The following ZDHHC17 variants were observed in gnomAD, a reference collection of about 807,000 sequenced individuals.
ZDHHC17 encodes zDHHC palmitoyltransferase 17.
A neutral mutation model predicts 90.3 loss-of-function variants in ZDHHC17; 40 were observed. The observed-to-expected ratio is 0.44, with a 90% confidence interval of 0.34 to 0.58. ZDHHC17 has a LOEUF of 0.58. Ranked by LOEUF, ZDHHC17 falls within the 20% of genes least tolerant of loss-of-function variation. ZDHHC17 has a pLI of 0.01. For synonymous variants in ZDHHC17, 235 were observed against 252.4 expected (o/e 0.93, Z 0.65); for missense variants, 614 against 780.8 (o/e 0.79, Z 2.55).
intron 14 of ZDHHC17, among the ~76,000 whole-genome samples, chr12:76,847,235 T>A (rs1049769310): frequency 7.9e-5 from 12 of 152,224 alleles, no homozygotes; most frequent in African/African-American, 2.4e-4. Flanking sequence ...GAATGCAGTC[T>A]GGAAAGAGTT....
intron 1 of ZDHHC17, among the ~76,000 whole-genome samples, chr12:76,790,339 T>TAAAAATAC (rs982413762): frequency 1.3e-4 from 20 of 151,972 alleles, no homozygotes; most frequent in Non-Finnish European, 2.5e-4. Context: ...CCGTCTCTAC[T>TAAAAATAC]AAAAATACAA....
chr12:76,804,309 A>G (rs961102229), intron 2 of ZDHHC17, among the ~76,000 whole-genome samples: 2 of 152,212 alleles, frequency 1.3e-5, no homozygotes, highest in African/African-American at 4.8e-5. Context: ...CTTACCAGCA[A>G]AATAACCTGC....
intron 2 of ZDHHC17, among the ~76,000 whole-genome samples, chr12:76,803,556 G>A (rs1952918213): frequency 6.6e-6 from 1 of 152,166 alleles, no homozygotes; most frequent in South Asian, 2.1e-4. Context: ...GGTATTGTGG[G>A]AGAAGGAACC....
At chr12:76,850,779 A>G (rs553014950) in intron 16 of ZDHHC17, 68 bp from the exon 17 acceptor site, 2 of 1,537,062 alleles carry the variant, frequency 1.3e-6, no homozygotes, top group African/African-American at 1.4e-5. Flanking sequence ...CACGAAAATT[A>G]TATTGAATTC....
chr12:76,784,427 A>G (rs1029692075), intron 1 of ZDHHC17, among the ~76,000 whole-genome samples: 1 of 152,204 alleles, frequency 6.6e-6, no homozygotes, highest in African/African-American at 2.4e-5. Context: ...TATGGAGACA[A>G]TGCCCCAAAG....
rs772946147 is a variant in ZDHHC17 at position 76,809,119 on chromosome 12, A to G, written c.397A>G (p.Arg133Gly). The part of the protein sequence containing the change: ...LNSTPLHWAT[R>G]QGHLSMVVQL... ...TTCAACTCCATTGCACTGGGCCACA[A>G]GGTTTAAATTTGCTTCTGGATTTTT... The change falls in exon 4 of 17, where the codon AGA (arginine) becomes GGA (glycine). Residue 133 changes from arginine to glycine, a missense_variant and splice_region_variant. Around this residue, in one of 5 missense-constraint regions of ZDHHC17, gnomAD observed 358 missense variants for 380.4 expected, o/e 0.94. Transcript: ENST00000426126. 1.9e-6 allele frequency: 3 copies of G among 1,540,982 alleles called. No homozygotes were observed. The highest frequency in any genetic ancestry group is 2.8e-5 in the African/African-American group (2 of 71,262).
intron 1 of ZDHHC17, among the ~76,000 whole-genome samples, chr12:76,780,788 AC>A (rs1490302692): frequency 3.3e-5 from 5 of 152,266 alleles, no homozygotes; most frequent in Admixed American, 3.3e-4. Flanking sequence ...TACAAATCAA[AC>A]AAGATAAAAT....
At position 76,767,447 on chromosome 12, in the gene ZDHHC17, C is replaced by A. The variant is rs148801843; in HGVS notation, c.93+3118C>A. Among the ~76,000 whole-genome samples the A allele has an allele frequency of 2.0e-5, 3 of 152,286 alleles. No homozygotes were observed. The East Asian group carries it at 5.8e-4, about 29-fold the overall frequency. On this transcript the variant is annotated intron_variant, in intron 1 of 16. Transcript: ENST00000426126. The stretch of plus-strand genomic sequence containing the variant: ...GAGGATTATACAATTAGATAAACGC[C>A]TTTTTAGAGGTATTTTAGGTAAGAT...
intron 14 of ZDHHC17, 54 bp from the exon 15 acceptor site, chr12:76,848,178 AT>A (rs1405863061): frequency 6.3e-7 from 1 of 1,591,124 alleles, no homozygotes; most frequent in Non-Finnish European, 8.6e-7. Flanking sequence ...AAATGCCTAT[AT>A]GAGGTGCTTG....
At chr12:76,777,319 C>A (rs965313247) in intron 1 of ZDHHC17, among the ~76,000 whole-genome samples, 2 of 152,126 alleles carry the variant, frequency 1.3e-5, no homozygotes, top group Admixed American at 1.3e-4. Flanking sequence ...TTTTCTCATT[C>A]AGCATAATTC....
At chr12:76,772,535 G>GT (rs34950061) in intron 1 of ZDHHC17, among the ~76,000 whole-genome samples, 3,029 of 98,516 alleles carry the variant, frequency 0.031, 155 homozygotes, top group African/African-American at 0.11. Flanking sequence ...CTTAACACTT[G>GT]TTTTTTTTTT....
intron 1 of ZDHHC17, among the ~76,000 whole-genome samples, chr12:76,789,224 T>C (rs191192298): frequency 6.6e-6 from 1 of 152,316 alleles, no homozygotes; most frequent in African/African-American, 2.4e-5. Flanking sequence ...AAAGAAAATA[T>C]TTTTCAGTAG....
chr12:76,817,112 T>A (rs1184012276), intron 7 of ZDHHC17, among the ~76,000 whole-genome samples: 1 of 152,080 alleles, frequency 6.6e-6, no homozygotes, highest in Non-Finnish European at 1.5e-5. Flanking sequence ...GTAGTTTTCA[T>A]GACTGCTGGG....
Position 76,764,340 on chromosome 12 carries a change from G to A in ZDHHC17, c.93+11G>A, listed in dbSNP as rs769238788. ...CTTCTCCACCCAGAGGTGAGGAACC[G>A]TGCTGAGTGGATTCCTTGCCCTGCG... is the stretch of plus-strand genomic sequence containing the variant. On this transcript the variant is annotated intron_variant, in intron 1 of 16. Coordinates refer to ENST00000426126, the MANE Select transcript of ZDHHC17 (RefSeq NM_015336.4). The A allele has an allele frequency of 1.3e-6, 2 of 1,577,838 alleles. No individual in the cohort carries two copies. Among genetic ancestry groups the A allele is most frequent in the Admixed American group, 1.8e-5 (1 of 55,640 alleles).
In ZDHHC17 at chr12:76,810,903, G is replaced by A. The variant is rs142060881; in HGVS notation, c.543+1046G>A. On this transcript the variant is annotated intron_variant, in intron 5 of 16. Coordinates refer to ENST00000426126, the MANE Select transcript of ZDHHC17 (RefSeq NM_015336.4). ...GGCTCACATATCTTGTGACTTGATA[G>A]GAATGGCTACAAACTGCTTAACTGG... Among the ~76,000 whole-genome samples the A allele has an allele frequency of 6.9e-3, 1,048 of 152,208 alleles. 35 individuals carry two copies. The highest frequency in any genetic ancestry group is 9.3e-3 in the East Asian group (48 of 5,178).
At chr12:76,824,699 G>A (rs1953209216) in intron 8 of ZDHHC17, among the ~76,000 whole-genome samples, 1 of 151,954 alleles carries the variant, frequency 6.6e-6, no homozygotes, top group East Asian at 1.9e-4. Context: ...GGAATCTTTA[G>A]CCAGGCGTGG....
intron 1 of ZDHHC17, among the ~76,000 whole-genome samples, chr12:76,784,837 A>G (rs781196372): frequency 6.6e-6 from 1 of 152,244 alleles, no homozygotes; most frequent in African/African-American, 2.4e-5. Context: ...AATGGCTACC[A>G]GTGGTCTACT....
intron 8 of ZDHHC17, among the ~76,000 whole-genome samples, chr12:76,825,993 A>G (rs1953225788): frequency 6.6e-6 from 1 of 151,818 alleles, no homozygotes; most frequent in Non-Finnish European, 1.5e-5. Flanking sequence ...TAATTTTTGT[A>G]TTTTTTGTAG....
chr12:76,764,445 G>A lies in ZDHHC17; in HGVS notation c.93+116G>A. On this transcript the variant is annotated intron_variant, in intron 1 of 16. Coordinates refer to ENST00000426126, the MANE Select transcript of ZDHHC17 (RefSeq NM_015336.4). Reference sequence around the variant, plus strand: ...GGTAGTGGGACGTGCCGAAGTTGGGGAGGGTGGGGAGGCGAATCCAGGCCT... The same window carrying A: ...GGTAGTGGGACGTGCCGAAGTTGGGAAGGGTGGGGAGGCGAATCCAGGCCT... The A allele has an allele frequency of 3.1e-6, 3 of 974,524 alleles. No individual in the cohort carries two copies. In the East Asian group the frequency reaches 8.0e-5, roughly 26 times the overall value. 60.4% of individuals were successfully genotyped at this position (974,524 alleles called of 1,614,324 possible).
Sources: gnomAD v4.1 joint callset for allele counts (sites outside exome capture counted in the v4.1 genomes callset) on GRCh38, gnomAD v4.1.1 for gene constraint, gnomAD v4.1.1 regional missense constraint, MANE v1.5 for transcripts, NCBI Gene and HGNC (gene_info 2026-07-23, HGNC 2026-07-21) for gene names.